DENND5A: variants seen among roughly 807,000 people sequenced by gnomAD.
DENND5A encodes DENN domain-containing protein 5A.
DENND5A carries 64 observed loss-of-function variants against 140.3 expected under a neutral mutation model. The observed-to-expected ratio is 0.46, with a 90% CI of 0.37 to 0.56. DENND5A has a LOEUF of 0.56. Among genes scored for constraint, DENND5A ranks in the 20% least tolerant of loss-of-function variants. DENND5A has a pLI of 0.00. For synonymous variants in DENND5A, 605 were observed against 607.7 expected (o/e 1.00, Z 0.07); for missense variants, 1,292 against 1,593.8 (o/e 0.81, Z 3.22).
chr11:9,207,421 G>C, intron 2 of DENND5A, 140 bp downstream of exon 2: 1 of 624,542 alleles, frequency 1.6e-6, no homozygotes, highest in South Asian at 2.0e-5. Flanking sequence ...ACCACCTAGA[G>C]GGATACAAAT....
intron 4 of DENND5A, 75 bp downstream of exon 4, chr11:9,203,585 C>G: frequency 6.8e-7 from 1 of 1,478,676 alleles, no homozygotes; most frequent in South Asian, 1.3e-5. Context: ...CCTTTACAGT[C>G]AGCCTCACTG....
chr11:9,168,462 G>A (rs994971104), intron 10 of DENND5A, among the ~76,000 whole-genome samples: 1 of 152,138 alleles, frequency 6.6e-6, no homozygotes, highest in African/African-American at 2.4e-5. Context: ...AAATTGCCCA[G>A]TCTTGTGTAT....
intron 1 of DENND5A, among the ~76,000 whole-genome samples, chr11:9,240,986 T>C (rs1226985165): frequency 1.3e-5 from 2 of 152,200 alleles, no homozygotes; most frequent in Non-Finnish European, 2.9e-5. Context: ...TGTGAATAGT[T>C]GTCTTGACAG....
At chr11:9,244,795 C>G (rs917406000) in intron 1 of DENND5A, among the ~76,000 whole-genome samples, 1 of 152,178 alleles carries the variant, frequency 6.6e-6, no homozygotes, top group African/African-American at 2.4e-5. Context: ...CCACCTCAGT[C>G]TCCTGAGGAT....
intron 5 of DENND5A, among the ~76,000 whole-genome samples, chr11:9,191,702 G>A (rs1372076796): frequency 6.6e-6 from 1 of 152,188 alleles, no homozygotes; most frequent in Non-Finnish European, 1.5e-5. Context: ...TATAAAGAAA[G>A]CTGATGCCAA....
At position 9,195,427 on chromosome 11, in the gene DENND5A, G is replaced by A. The variant is rs866507555; in HGVS notation, c.950-1746C>T. Among the ~76,000 whole-genome samples, 8 of 152,082 alleles carry A rather than the reference G, an allele frequency of 5.3e-5. No homozygotes were observed. In the South Asian group the frequency reaches 1.4e-3, roughly 28 times the overall value. On this transcript the variant is annotated intron_variant, in intron 4 of 22. Transcript: ENST00000328194. Reference sequence around the variant, plus strand: ...TTTGTAATGATATGATGATATGATGGTTTCAGGCATTTAAGGACAAAGCAG... The same window carrying A: ...TTTGTAATGATATGATGATATGATGATTTCAGGCATTTAAGGACAAAGCAG...
At chr11:9,147,706 G>A (rs1847479877) in intron 15 of DENND5A, among the ~76,000 whole-genome samples, 1 of 152,226 alleles carries the variant, frequency 6.6e-6, no homozygotes, top group South Asian at 2.1e-4. Context: ...AGGCAAGGAA[G>A]AGCCATGCAG....
chr11:9,244,780 T>C (rs1409173914), intron 1 of DENND5A, among the ~76,000 whole-genome samples: 1 of 152,026 alleles, frequency 6.6e-6, no homozygotes, highest in Non-Finnish European at 1.5e-5. Flanking sequence ...GCTCAAGCAA[T>C]CCTCCCACCT....
chr11:9,206,612 C>T, intron 3 of DENND5A, 61 bp downstream of exon 3: 2 of 1,268,814 alleles, frequency 1.6e-6, no homozygotes, highest in Non-Finnish European at 1.2e-6. Flanking sequence ...AGCCTGAACT[C>T]ACAATCCTAT....
intron 21 of DENND5A, among the ~76,000 whole-genome samples, chr11:9,142,394 T>A (rs1174745511): frequency 6.6e-6 from 1 of 152,162 alleles, no homozygotes; most frequent in Admixed American, 6.5e-5. Flanking sequence ...TCCATATGGG[T>A]GCAACACAGG....
chr11:9,211,532 C>T (rs1308250317), intron 1 of DENND5A, among the ~76,000 whole-genome samples: 1 of 152,102 alleles, frequency 6.6e-6, no homozygotes, highest in African/African-American at 2.4e-5. Flanking sequence ...GAAAATATGA[C>T]CCATTCTCAA....
chr11:9,190,817 A>AT (rs1328933552), intron 5 of DENND5A, among the ~76,000 whole-genome samples: 1 of 152,108 alleles, frequency 6.6e-6, no homozygotes, highest in African/African-American at 2.4e-5. Flanking sequence ...CACTGTTAGC[A>AT]TTTTTTACTA....
intron 15 of DENND5A, among the ~76,000 whole-genome samples, chr11:9,149,784 G>A (rs1388100232): frequency 6.6e-6 from 1 of 152,160 alleles, no homozygotes; most frequent in Non-Finnish European, 1.5e-5. Context: ...ATGTCCAAGA[G>A]GTATACATGT....
chr11:9,172,768 GA>G (rs1459270663), intron 8 of DENND5A, among the ~76,000 whole-genome samples: 35 of 152,238 alleles, frequency 2.3e-4, no homozygotes, highest in African/African-American at 7.9e-4. Context: ...ATAGCAGCAT[GA>G]GAATAAACTA....
At chr11:9,218,091 C>T (rs1027643488) in intron 1 of DENND5A, among the ~76,000 whole-genome samples, 2 of 151,932 alleles carry the variant, frequency 1.3e-5, no homozygotes, top group Admixed American at 6.6e-5. Context: ...CCCATCTGTA[C>T]AAAATAATAA....
rs543001046 is a variant in DENND5A at position 9,228,095 on chromosome 11, AG to A, written c.110-20464del. ...ACCATTGCACTCCAGCCTGGGCGATAGCAAGACTCCATCTCAAAAAAAAAAA... is the reference window on the plus strand; with the variant it reads ...ACCATTGCACTCCAGCCTGGGCGATACAAGACTCCATCTCAAAAAAAAAAA... On this transcript the variant is annotated intron_variant, in intron 1 of 22. Transcript: ENST00000328194. Among the ~76,000 whole-genome samples, 418 of 139,606 alleles carry A rather than the reference AG, an allele frequency of 3.0e-3. 1 individual carries two copies. The highest frequency in any genetic ancestry group is 0.011 in the African/African-American group (398 of 36,528). The allele number at this position is 139,606 out of a possible 152,430, so 91.6% of individuals were successfully genotyped here.
intron 8 of DENND5A, chr11:9,171,625 C>A (rs1318086068): frequency 6.6e-6 from 1 of 151,170 alleles, no homozygotes; most frequent in African/African-American, 2.4e-5. Context: ...CTCTGGGAGG[C>A]CAAAGTGAGG....
chr11:9,223,646 G>A (rs1235478542), intron 1 of DENND5A, among the ~76,000 whole-genome samples: 2 of 152,142 alleles, frequency 1.3e-5, no homozygotes, highest in African/African-American at 4.8e-5. Context: ...TCGAGCCAGG[G>A]AGACTGAGGC....
At chr11:9,247,542 GGAGA>G (rs1299831102) in intron 1 of DENND5A, among the ~76,000 whole-genome samples, 2 of 151,606 alleles carry the variant, frequency 1.3e-5, no homozygotes, top group Admixed American at 1.3e-4. Flanking sequence ...AGAAAAACAA[GGAGA>G]GAGACACCTA....
Sources: gnomAD v4.1 joint callset for allele counts (sites outside exome capture counted in the v4.1 genomes callset) on GRCh38, gnomAD v4.1.1 for gene constraint, MANE v1.5 for transcripts, NCBI Gene and HGNC (gene_info 2026-07-23, HGNC 2026-07-21) for gene names.